WNT5A: variants seen among roughly 807,000 people sequenced by gnomAD.
The protein encoded by WNT5A is Wnt family member 5A.
A neutral mutation model predicts 42.1 loss-of-function variants in WNT5A; 9 were observed. The observed-to-expected ratio is 0.21, with a 90% CI of 0.13 to 0.37. The LOEUF is 0.37. WNT5A is among the 10% of genes least tolerant of loss of function. The pLI is 1.00. For synonymous variants in WNT5A, 210 were observed against 210.0 expected (o/e 1.00, Z 0.00); for missense variants, 426 against 534.0 (o/e 0.80, Z 1.99).
Position 55,470,358 on chromosome 3 carries a change from A to G in WNT5A, c.877T>C (p.Ser293Pro). The G allele has an allele frequency of 6.2e-7, 1 of 1,614,020 alleles. No individual in the cohort carries two copies. The change falls in exon 5 of 5, where the codon TCG (serine) becomes CCG (proline). Residue 293 changes from serine to proline, a missense_variant. Ser to Pro is a moderately conservative substitution (Grantham distance 74). This residue lies in a region of WNT5A where 358 missense variants were observed against 468.1 expected (regional missense o/e 0.76). Coordinates refer to ENST00000264634, the MANE Select transcript of WNT5A (RefSeq NM_003392.7). ...KLVQVNSRFNSPTTQDLVYID... is the reference protein window; with the variant it reads ...KLVQVNSRFNPPTTQDLVYID... ...TAGACCAGGTCTTGTGTGGTGGGCGAGTTGAAGCGGCTGTTGACCTGTACC... is the reference window on the plus strand; with the variant it reads ...TAGACCAGGTCTTGTGTGGTGGGCGGGTTGAAGCGGCTGTTGACCTGTACC...
intron 1 of WNT5A, among the ~76,000 whole-genome samples, chr3:55,482,872 G>A (rs1432034932): frequency 6.6e-6 from 1 of 152,136 alleles, no homozygotes; most frequent in East Asian, 1.9e-4. Context: ...AAGGGCAGCC[G>A]ATGCCGCGTG....
intron 2 of WNT5A, among the ~76,000 whole-genome samples, chr3:55,479,885 C>T (rs1286791523): frequency 6.6e-6 from 1 of 152,284 alleles, no homozygotes; most frequent in East Asian, 1.9e-4. Flanking sequence ...GTTTGAGGGA[C>T]AGGCCTCTGA....
At chr3:55,489,416 G>T (rs2051632704), upstream of WNT5A, among the ~76,000 whole-genome samples, 1 of 151,916 alleles carries the variant, frequency 6.6e-6, no homozygotes, top group South Asian at 2.1e-4. Context: ...GTTTTGTTTT[G>T]TTCCTCCAGT....
upstream of WNT5A, chr3:55,490,378 G>A (rs188578679): frequency 4.2e-4 from 64 of 152,314 alleles, no homozygotes; most frequent in African/African-American, 1.4e-3. Flanking sequence ...TCTAGTGGAA[G>A]TCGGTGTTGG....
chr3:55,495,752 C>T, the WNT5A span, among the ~76,000 whole-genome samples: 1 of 152,114 alleles, frequency 6.6e-6, no homozygotes, highest in African/African-American at 2.4e-5. Flanking sequence ...TAATTTTTAG[C>T]TTTCTAAGGA....
chr3:55,502,678 G>A, the WNT5A span, among the ~76,000 whole-genome samples: 1 of 152,184 alleles, frequency 6.6e-6, no homozygotes, highest in Non-Finnish European at 1.5e-5. Flanking sequence ...GAACAGCATG[G>A]CAAAGAATCA....
chr3:55,485,100 G>T (rs999383325), intron 1 of WNT5A, among the ~76,000 whole-genome samples: 8 of 151,572 alleles, frequency 5.3e-5, no homozygotes, highest in South Asian at 2.1e-4. Context: ...GCGGCGCAGC[G>T]AAACTGGTCC....
the WNT5A span, among the ~76,000 whole-genome samples, chr3:55,500,102 G>A: frequency 6.6e-6 from 1 of 151,990 alleles, no homozygotes; most frequent in South Asian, 2.1e-4. Flanking sequence ...CACAGAGTTG[G>A]GCAAAAATTA....
the WNT5A span, among the ~76,000 whole-genome samples, chr3:55,498,795 C>T: frequency 6.6e-6 from 1 of 151,946 alleles, no homozygotes; most frequent in South Asian, 2.1e-4. Flanking sequence ...CCAATAGAGA[C>T]ATAGGGGAGC....
intron 3 of WNT5A, among the ~76,000 whole-genome samples, chr3:55,477,192 T>C (rs2051373461): frequency 6.6e-6 from 1 of 152,198 alleles, no homozygotes; most frequent in South Asian, 2.1e-4. Context: ...AATTTTCCCT[T>C]AGCTCATTCT....
At position 55,474,352 on chromosome 3, in the gene WNT5A, G is replaced by C. The variant is rs762002827; in HGVS notation, c.669C>G (p.Asn223Lys). Residue 223 changes from asparagine (N) to lysine (K), a missense_variant, in exon 4 of 5, where the codon AAC becomes AAG. Physicochemically the swap from Asn to Lys is moderately conservative, Grantham distance 94 (BLOSUM62 0). This residue lies in a region of WNT5A where 358 missense variants were observed against 468.1 expected (regional missense o/e 0.76). Transcript: ENST00000264634. ...SARILMNLHNNEAGRRTVYNL... is the reference protein window; with the variant it reads ...SARILMNLHNKEAGRRTVYNL... ...CGGCACTCACCCTGCGGCCGGCCTC[G>C]TTGTTGTGCAGGTTCATGAGGATGC... The C allele has an allele frequency of 2.5e-6, 4 of 1,612,998 alleles. No homozygotes were observed. Among genetic ancestry groups the C allele is most frequent in the South Asian group, 1.1e-5 (1 of 91,056 alleles).
At chr3:55,471,238 T>G (rs1391775813) in intron 4 of WNT5A, among the ~76,000 whole-genome samples, 1 of 152,192 alleles carries the variant, frequency 6.6e-6, no homozygotes, top group Non-Finnish European at 1.5e-5. Flanking sequence ...CTGGATTGGA[T>G]GATGGCACAG....
Position 55,487,098 on chromosome 3 carries a change from G to A in WNT5A, c.-113C>T, listed in dbSNP as rs981464945. ...GGGGACGGTCAGGAGCAGGGCTGCGGAGTCCTCCGGCGCGCGTCCGGCGGG... is the reference window on the plus strand; with the variant it reads ...GGGGACGGTCAGGAGCAGGGCTGCGAAGTCCTCCGGCGCGCGTCCGGCGGG... On this transcript the variant is annotated 5_prime_UTR_variant, in exon 1 of 5. Coordinates refer to ENST00000264634, the MANE Select transcript of WNT5A (RefSeq NM_003392.7). The A allele has an allele frequency of 2.2e-6, 2 of 910,336 alleles. No homozygotes were observed. The highest frequency in any genetic ancestry group is 3.3e-5 in the African/African-American group (2 of 60,878). The allele number at this position is 910,336 out of a possible 1,614,324, so 56.4% of individuals were successfully genotyped here.
intron 3 of WNT5A, among the ~76,000 whole-genome samples, chr3:55,478,765 T>C (rs2051402084): frequency 6.6e-6 from 1 of 152,238 alleles, no homozygotes; most frequent in Admixed American, 6.5e-5. Flanking sequence ...ATTGGATCAC[T>C]TTTAATTAAA....
chr3:55,485,799 AG>A (rs1242957537), intron 1 of WNT5A, among the ~76,000 whole-genome samples: 1 of 152,166 alleles, frequency 6.6e-6, no homozygotes, highest in Non-Finnish European at 1.5e-5. Flanking sequence ...GATACCAGAC[AG>A]GGATTAGAAA....
At chr3:55,471,751 ACT>A (rs1225793484) in intron 4 of WNT5A, among the ~76,000 whole-genome samples, 3 of 151,974 alleles carry the variant, frequency 2.0e-5, no homozygotes, top group African/African-American at 7.3e-5. Context: ...CTATTTATAG[ACT>A]CTGCTGCCCA....
At chr3:55,486,417 C>T (rs2051579652) in intron 1 of WNT5A, among the ~76,000 whole-genome samples, 1 of 152,238 alleles carries the variant, frequency 6.6e-6, no homozygotes, top group Non-Finnish European at 1.5e-5. Flanking sequence ...GCTCGAGTTA[C>T]TCGGCCAAGG....
At chr3:55,504,599 A>C in the WNT5A span, among the ~76,000 whole-genome samples, 1 of 151,778 alleles carries the variant, frequency 6.6e-6, no homozygotes, top group African/African-American at 2.4e-5. Flanking sequence ...CGAGTAGCTG[A>C]GATTACAGGC....
chr3:55,476,092 G>A (rs907865626), intron 3 of WNT5A, among the ~76,000 whole-genome samples: 1 of 152,152 alleles, frequency 6.6e-6, no homozygotes, highest in Non-Finnish European at 1.5e-5. Flanking sequence ...TTCTGAGGGG[G>A]AAGTGAGGAG....
Sources: gnomAD v4.1 joint callset for allele counts (sites outside exome capture counted in the v4.1 genomes callset) on GRCh38, gnomAD v4.1.1 for gene constraint, gnomAD v4.1.1 regional missense constraint, MANE v1.5 for transcripts, NCBI Gene and HGNC (gene_info 2026-07-23, HGNC 2026-07-21) for gene names.